CSMD2: variants seen among roughly 807,000 people sequenced by gnomAD.
CSMD2 encodes CUB and Sushi multiple domains 2.
CSMD2 carries 130 observed loss-of-function variants against 398.5 expected under a neutral mutation model. The ratio of observed to expected loss-of-function variants is 0.33; its 90% CI spans 0.28 to 0.38. CSMD2 has a LOEUF of 0.38. Ranked by LOEUF, CSMD2 falls within the 10% of genes least tolerant of loss-of-function variation. The pLI, the probability that CSMD2 is intolerant of heterozygous loss-of-function variation, is 1.00. For synonymous variants in CSMD2, 1,828 were observed against 1,908.5 expected, an observed-to-expected ratio of 0.96 and a Z score of 1.10; for missense variants, 3,829 against 4,764.9, an observed-to-expected ratio of 0.80 and a Z score of 5.78.
Position 33,814,684 on chromosome 1 carries a change from C to T in CSMD2, c.1325-3820G>A, listed in dbSNP as rs141287414. Among the ~76,000 whole-genome samples, 857 of 152,286 alleles carry T rather than the reference C, an allele frequency of 5.6e-3. 6 individuals are homozygous for T. The highest frequency in any genetic ancestry group is 0.02 in the African/African-American group (831 of 41,554). On this transcript the variant is annotated intron_variant, in intron 9 of 70. Transcript: ENST00000373381. ...TTATGAGATCTGACACCCTGCTCTT[C>T]CTCCAACTCATGATCAACCATGTTT...
Position 33,636,238 on chromosome 1 carries a change from G to A in CSMD2, c.4969+122C>T. 1 of 929,868 alleles carries A rather than the reference G, an allele frequency of 1.1e-6. No homozygotes were observed. The highest frequency in any genetic ancestry group is 1.6e-6 in the Non-Finnish European group (1 of 626,640). 57.6% of individuals were successfully genotyped at this position (929,868 alleles called of 1,614,324 possible). ...ACACATCCACGGCAAACCCAGGTTT[G>A]CCAGGCTTGGAGGAGCCGGGCTTGA... On this transcript the variant is annotated intron_variant, in intron 30 of 70. Coordinates refer to ENST00000373381, the MANE Select transcript of CSMD2 (RefSeq NM_001281956.2). The surrounding 1 kb of genome is among the most constrained non-coding windows in gnomAD (Gnocchi z 4.8).
At chr1:33,887,254 A>AT (rs923900831) in intron 5 of CSMD2, among the ~76,000 whole-genome samples, 1 of 151,778 alleles carries the variant, frequency 6.6e-6, no homozygotes, top group Non-Finnish European at 1.5e-5. Context: ...CAGAAAAAAA[A>AT]AAGCTTTGCA....
intron 13 of CSMD2, among the ~76,000 whole-genome samples, chr1:33,759,496 T>C (rs988726847): frequency 6.6e-6 from 1 of 151,698 alleles, no homozygotes; most frequent in Admixed American, 6.6e-5. Flanking sequence ...CGGCTAATTT[T>C]TTGTATTTTT....
chr1:33,711,157 A>G (rs1645974049), intron 21 of CSMD2, among the ~76,000 whole-genome samples: 1 of 152,012 alleles, frequency 6.6e-6, no homozygotes, highest in Non-Finnish European at 1.5e-5. Flanking sequence ...CATTTCTTTG[A>G]TGATCTCAGA....
chr1:33,644,832 C>T (rs1248063977), intron 29 of CSMD2, among the ~76,000 whole-genome samples: 4 of 151,960 alleles, frequency 2.6e-5, no homozygotes, highest in Non-Finnish European at 5.9e-5. Flanking sequence ...AGGGTTTGGG[C>T]CCAGGAGGTT....
intron 3 of CSMD2, among the ~76,000 whole-genome samples, chr1:34,002,172 C>T (rs1646925529): frequency 1.3e-5 from 2 of 152,154 alleles, no homozygotes; most frequent in Non-Finnish European, 2.9e-5. Context: ...CTCTAGATAG[C>T]TAGATGTCAA....
chr1:33,999,799 C>G (rs942713365), intron 3 of CSMD2, among the ~76,000 whole-genome samples: 4 of 152,082 alleles, frequency 2.6e-5, no homozygotes, highest in African/African-American at 9.7e-5. Flanking sequence ...CCAAGATATT[C>G]ATCATAGCCT....
intron 6 of CSMD2, 63 bp from the exon 7 acceptor site, chr1:33,825,837 C>A: frequency 7.4e-7 from 1 of 1,347,392 alleles, no homozygotes; most frequent in East Asian, 2.4e-5. Context: ...ATAAGGGTCC[C>A]TCTAGAAGGA....
chr1:34,105,045 G>T (rs893347949), intron 1 of CSMD2, among the ~76,000 whole-genome samples: 1 of 152,126 alleles, frequency 6.6e-6, no homozygotes. Flanking sequence ...GTTACTCTTC[G>T]CTCTCCGCTA....
chr1:34,046,024 A>T (rs976319208), intron 2 of CSMD2, among the ~76,000 whole-genome samples: 1 of 152,258 alleles, frequency 6.6e-6, no homozygotes, highest in East Asian at 1.9e-4. Context: ...TTTAACTTTC[A>T]AAGGAAATAG....
intron 21 of CSMD2, among the ~76,000 whole-genome samples, chr1:33,713,593 C>T (rs546982143): frequency 6.6e-6 from 1 of 152,266 alleles, no homozygotes; most frequent in Non-Finnish European, 1.5e-5. Flanking sequence ...TACCTGGGCA[C>T]AGCGCTCTGA....
rs757420749 is a variant in CSMD2, at chr1:33,571,572, A to G, written c.7917T>C (p.Asn2639=). The change falls in exon 51 of 71, where the codon AAT becomes AAC. Residue 2639 remains asparagine, a synonymous_variant. Coordinates refer to ENST00000373381, the MANE Select transcript of CSMD2 (RefSeq NM_001281956.2). Reference sequence around the variant, plus strand: ...TAGAGTCCCCGAGGCTCCATTTGCCATTGGCCTGACAGCGGATGACCCTTT... The same window carrying G: ...TAGAGTCCCCGAGGCTCCATTTGCCGTTGGCCTGACAGCGGATGACCCTTT... ...TGQRVIRCQA[N]GKWSLGDSTP... is the part of the protein sequence containing the mutation. 2 of 1,535,628 alleles carry G rather than the reference A, an allele frequency of 1.3e-6. No individual in the cohort carries two copies. The highest frequency in any genetic ancestry group is 2.3e-5 in the East Asian group (1 of 42,936).
At chr1:34,093,717 AAAAAG>A (rs1414675411) in intron 1 of CSMD2, among the ~76,000 whole-genome samples, 3 of 151,942 alleles carry the variant, frequency 2.0e-5, no homozygotes, top group African/African-American at 7.3e-5. Flanking sequence ...AAAAAAGAAT[AAAAAG>A]AAATGAGCAA....
At chr1:33,767,702 G>T (rs1650691838) in intron 13 of CSMD2, among the ~76,000 whole-genome samples, 2 of 152,186 alleles carry the variant, frequency 1.3e-5, no homozygotes, top group Admixed American at 6.5e-5. Context: ...TATGTTGGGG[G>T]TATACAATAT....
At position 33,633,142 on chromosome 1, in the gene CSMD2, A is replaced by G. The variant is rs1175589602; in HGVS notation, c.5200+280T>C. Among the ~76,000 whole-genome samples the G allele has an allele frequency of 2.0e-5, 3 of 152,198 alleles. No individual in the cohort carries two copies. The highest frequency in any genetic ancestry group is 4.4e-5 in the Non-Finnish European group (3 of 68,024). Reference sequence around the variant, plus strand: ...AATGAAAATGCAATACATTTATAGTAAGAAAAAAAGTTGCATCTGAATACG... The same window carrying G: ...AATGAAAATGCAATACATTTATAGTGAGAAAAAAAGTTGCATCTGAATACG... On this transcript the variant is annotated intron_variant, in intron 32 of 70. Coordinates refer to ENST00000373381, the MANE Select transcript of CSMD2 (RefSeq NM_001281956.2). This position sits in a 1 kb window ranked among gnomAD's most constrained non-coding sequence, Gnocchi z 5.0.
intron 11 of CSMD2, 123 bp downstream of exon 11, chr1:33,792,300 A>T: frequency 1.4e-6 from 1 of 718,784 alleles, no homozygotes; most frequent in South Asian, 1.6e-5. Flanking sequence ...TGAAACTAGG[A>T]ACATTGCAGG....
intron 6 of CSMD2, among the ~76,000 whole-genome samples, chr1:33,829,890 G>A (rs187211590): frequency 5.9e-5 from 9 of 152,284 alleles, no homozygotes; most frequent in Admixed American, 1.3e-4. Flanking sequence ...CTACGCCCAC[G>A]GAGTGTCGCT....
intron 20 of CSMD2, among the ~76,000 whole-genome samples, chr1:33,715,122 C>T (rs888656740): frequency 3.9e-5 from 6 of 152,192 alleles, no homozygotes; most frequent in African/African-American, 1.4e-4. Context: ...TGAGGATCCT[C>T]AGGACTCAGC....
chr1:33,824,994 G>T (rs893795606), intron 7 of CSMD2, among the ~76,000 whole-genome samples: 1 of 152,064 alleles, frequency 6.6e-6, no homozygotes, highest in African/African-American at 2.4e-5. Context: ...GCCCTTCCTG[G>T]GCTTCAGCTC....
Sources: gnomAD v4.1 joint callset for allele counts (sites outside exome capture counted in the v4.1 genomes callset) on GRCh38, gnomAD v4.1.1 for gene constraint, Gnocchi (gnomAD v3.1) non-coding constraint, MANE v1.5 for transcripts, NCBI Gene and HGNC (gene_info 2026-07-23, HGNC 2026-07-21) for gene names.